The following AP2B1 variants were observed in gnomAD, a reference collection of about 807,000 sequenced individuals.
The protein encoded by AP2B1 is AP-2 complex subunit beta.
Under a neutral mutation model 102.0 loss-of-function variants are expected in AP2B1, and 23 were observed. That is an observed-to-expected ratio of 0.23 (90% CI 0.16 to 0.32). AP2B1 has a LOEUF of 0.32. Ranked by LOEUF, AP2B1 falls within the 10% of genes least tolerant of loss-of-function variation. AP2B1 has a pLI of 1.00. For missense variants in AP2B1, 541 were observed against 1,157.4 expected, an observed-to-expected ratio of 0.47 and a Z score of 7.73; for synonymous variants, 381 against 421.2, an observed-to-expected ratio of 0.90 and a Z score of 1.17.
intron 18 of AP2B1, among the ~76,000 whole-genome samples, chr17:35,688,388 A>T (rs2142996829): frequency 6.6e-6 from 1 of 152,156 alleles, no homozygotes; most frequent in South Asian, 2.1e-4. Flanking sequence ...TTCTCAGTGA[A>T]AGCTTGTACT....
intron 3 of AP2B1, among the ~76,000 whole-genome samples, chr17:35,604,922 TTTC>T (rs1367093265): frequency 6.6e-6 from 1 of 152,180 alleles, no homozygotes; most frequent in Non-Finnish European, 1.5e-5. Context: ...CTACAATTTT[TTTC>T]TTGTTTTTTT....
Position 35,680,684 on chromosome 17 carries a change from T to TG in AP2B1, c.2325-2009dup, listed in dbSNP as rs1221417683. Among the ~76,000 whole-genome samples, 41 of 53,190 alleles carry TG rather than the reference T, an allele frequency of 7.7e-4. No homozygotes were observed. In the East Asian group the frequency reaches 0.011, roughly 14 times the overall value. 34.9% of individuals were successfully genotyped at this position (53,190 alleles called of 152,430 possible). A position where few individuals can be genotyped will look rare whatever the true frequency, so the allele number is the denominator to read the frequency against. ...AGCCACCATGCCCAGTCTATGGTTTTGGTTTTTTTTTTTTTGTTTTTTTTT... is the reference window on the plus strand; with the variant it reads ...AGCCACCATGCCCAGTCTATGGTTTTGGGTTTTTTTTTTTTTGTTTTTTTTT... On this transcript the variant is annotated intron_variant, in intron 17 of 21. Coordinates refer to ENST00000610402, the MANE Select transcript of AP2B1 (RefSeq NM_001030006.2).
chr17:35,626,011 G>C (rs1178136913), intron 6 of AP2B1, among the ~76,000 whole-genome samples: 1 of 152,196 alleles, frequency 6.6e-6, no homozygotes, highest in Non-Finnish European at 1.5e-5. Context: ...TGTAAGTGTA[G>C]GTGGCAGGGG....
chr17:35,674,459 T>A, intron 17 of AP2B1, 138 bp downstream of exon 17: 1 of 1,082,514 alleles, frequency 9.2e-7, no homozygotes, highest in Non-Finnish European at 1.3e-6. Flanking sequence ...ATCCCAGCAT[T>A]TGGGAGGCCG....
chr17:35,642,076 G>A, intron 12 of AP2B1, 101 bp downstream of exon 12: 2 of 827,936 alleles, frequency 2.4e-6, no homozygotes. Context: ...AGCTTTATTT[G>A]AAGGAAGTAT....
intron 5 of AP2B1, among the ~76,000 whole-genome samples, chr17:35,622,296 C>T (rs2074201928): frequency 6.6e-6 from 1 of 152,130 alleles, no homozygotes; most frequent in South Asian, 2.1e-4. Context: ...TTCTGATCAC[C>T]AAAGTATAGC....
chr17:35,692,989 T>A (rs192267808), intron 18 of AP2B1, among the ~76,000 whole-genome samples: 1 of 152,116 alleles, frequency 6.6e-6, no homozygotes, highest in Admixed American at 6.5e-5. Context: ...GGCGTTTTTT[T>A]ATGTTTGTTT....
Position 35,724,043 on chromosome 17 carries a change from G to A in AP2B1, c.*344G>A. Reference sequence around the variant, plus strand: ...TTGTAATTGAGAGCTCATTTCAAAAGCAGAAAAAGACAACAAATATTAAAG... The same window carrying A: ...TTGTAATTGAGAGCTCATTTCAAAAACAGAAAAAGACAACAAATATTAAAG... On this transcript the variant is annotated 3_prime_UTR_variant, in exon 22 of 22. Coordinates refer to ENST00000610402, the MANE Select transcript of AP2B1 (RefSeq NM_001030006.2). 4.4e-6 allele frequency: 1 copy of A among 226,626 alleles called. No homozygotes were observed. Among genetic ancestry groups the A allele is most frequent in the Non-Finnish European group, 8.7e-6 (1 of 114,648 alleles). 14.0% of individuals were successfully genotyped at this position (226,626 alleles called of 1,614,324 possible).
chr17:35,676,201 A>G (rs1007389829), intron 17 of AP2B1, among the ~76,000 whole-genome samples: 1 of 152,186 alleles, frequency 6.6e-6, no homozygotes, highest in Non-Finnish European at 1.5e-5. Context: ...GAAAGCCTTC[A>G]TAATTGGTGG....
chr17:35,716,069 A>G (rs1194561702), intron 20 of AP2B1, among the ~76,000 whole-genome samples: 1 of 152,212 alleles, frequency 6.6e-6, no homozygotes, highest in Admixed American at 6.5e-5. Context: ...TGGGAAACAC[A>G]GTGATGAAAA....
intron 18 of AP2B1, among the ~76,000 whole-genome samples, chr17:35,705,196 G>A (rs1043835664): frequency 3.9e-5 from 6 of 152,180 alleles, no homozygotes; most frequent in African/African-American, 1.4e-4. Flanking sequence ...AATGAACCCA[G>A]TTCTAGCCTA....
chr17:35,722,307 A>G (rs2085421855), intron 21 of AP2B1, among the ~76,000 whole-genome samples: 3 of 152,158 alleles, frequency 2.0e-5, no homozygotes, highest in Non-Finnish European at 4.4e-5. Context: ...TGCAACTTGG[A>G]CCAAAATAGG....
chr17:35,674,661 C>T lies in AP2B1; in HGVS notation c.2324+340C>T, dbSNP rs1278215904. 2.6e-5 allele frequency among the ~76,000 whole-genome samples: 4 copies of T among 152,192 alleles called. 1 individual carries two copies. The highest frequency in any genetic ancestry group is 4.1e-4 in the South Asian group (2 of 4,838). On this transcript the variant is annotated intron_variant, in intron 17 of 21. Coordinates refer to ENST00000610402, the MANE Select transcript of AP2B1 (RefSeq NM_001030006.2). ...CCAAGGTTGCAGTGAGCCGAGATTACGCCAATGCACTCCAGTCTGGGCGAC... is the reference window on the plus strand; with the variant it reads ...CCAAGGTTGCAGTGAGCCGAGATTATGCCAATGCACTCCAGTCTGGGCGAC...
intron 3 of AP2B1, among the ~76,000 whole-genome samples, chr17:35,599,186 T>C (rs1342081236): frequency 6.6e-6 from 1 of 152,254 alleles, no homozygotes. Context: ...TGCGTAGCAG[T>C]GCAATGGTCG....
chr17:35,624,161 G>A (rs1414892362), intron 5 of AP2B1, among the ~76,000 whole-genome samples: 3 of 152,168 alleles, frequency 2.0e-5, no homozygotes, highest in Non-Finnish European at 2.9e-5. Context: ...AATAACATGT[G>A]ACTCTGCTAA....
chr17:35,673,447 A>G (rs1411527226), intron 16 of AP2B1, among the ~76,000 whole-genome samples: 2 of 152,064 alleles, frequency 1.3e-5, no homozygotes, highest in South Asian at 2.1e-4. Context: ...TCAGCCTCCC[A>G]AAGTGCTGGG....
chr17:35,720,545 T>TTTTATATATATATATATATA (rs1402145369), intron 21 of AP2B1, among the ~76,000 whole-genome samples: 2 of 54,376 alleles, frequency 3.7e-5, no homozygotes, highest in African/African-American at 1.7e-4. Flanking sequence ...TTTATTTTAT[T>TTTTATATATATATATATATA]TATATATATA....
At chr17:35,677,860 G>GT (rs35198677) in intron 17 of AP2B1, among the ~76,000 whole-genome samples, 67 of 127,968 alleles carry the variant, frequency 5.2e-4, no homozygotes, top group Admixed American at 1.5e-3. Flanking sequence ...ATAGTAAATA[G>GT]TTTTTTTTTT....
intron 3 of AP2B1, among the ~76,000 whole-genome samples, chr17:35,599,185 G>A (rs2073394379): frequency 6.6e-6 from 1 of 152,238 alleles, no homozygotes; most frequent in Non-Finnish European, 1.5e-5. Flanking sequence ...CTGCGTAGCA[G>A]TGCAATGGTC....
Sources: gnomAD v4.1 joint callset for allele counts (sites outside exome capture counted in the v4.1 genomes callset) on GRCh38, gnomAD v4.1.1 for gene constraint, MANE v1.5 for transcripts, NCBI Gene and HGNC (gene_info 2026-07-23, HGNC 2026-07-21) for gene names.